The following HNF4A variants were observed in gnomAD, a reference collection of about 807,000 sequenced individuals.
The protein encoded by HNF4A is hepatocyte nuclear factor 4-alpha.
HNF4A carries 15 observed loss-of-function variants against 52.4 expected under a neutral mutation model. The ratio of observed to expected loss-of-function variants is 0.29; its 90% CI spans 0.19 to 0.44. HNF4A has a LOEUF of 0.44. Among genes scored for constraint, HNF4A ranks in the 20% least tolerant of loss-of-function variants. The pLI is 1.00. For missense variants in HNF4A, 479 were observed against 647.2 expected (o/e 0.74, Z 2.82); for synonymous variants, 280 against 264.4 (o/e 1.06, Z -0.57).
rs535994220 is a variant in HNF4A at position 44,414,491 on chromosome 20, C to T, written c.493-16C>T. On this transcript the variant is annotated splice_polypyrimidine_tract_variant and intron_variant, in intron 4 of 9. Transcript: ENST00000316099. ...CCCGGACATCTCCAGCATTTTCTTC[C>T]CTGTATCTCTCGAAGATCACCTCCC... is the stretch of plus-strand genomic sequence containing the variant. 15 of 1,614,232 alleles carry T rather than the reference C, an allele frequency of 9.3e-6. No individual in the cohort carries two copies. In the African/African-American group the frequency reaches 1.9e-4, roughly 20 times the overall value.
At chr20:44,357,321 C>T (rs528172938) in intron 1 of HNF4A, among the ~76,000 whole-genome samples, 1 of 152,032 alleles carries the variant, frequency 6.6e-6, no homozygotes, top group East Asian at 1.9e-4. Flanking sequence ...TCCCAGAGAG[C>T]GGGGAGATTA....
chr20:44,419,418 T>G (rs2063712697), intron 6 of HNF4A, among the ~76,000 whole-genome samples: 1 of 152,236 alleles, frequency 6.6e-6, no homozygotes. Flanking sequence ...TTAACCTTGA[T>G]GCTTTGGTGC....
upstream of HNF4A, among the ~76,000 whole-genome samples, chr20:44,397,480 G>T (rs935476447): frequency 5.3e-5 from 8 of 152,148 alleles, no homozygotes; most frequent in Non-Finnish European, 1.2e-4. Flanking sequence ...GTACATTTCA[G>T]ATCTTCTCTT....
downstream of HNF4A, chr20:44,433,707 T>C (rs1237811298): frequency 6.6e-6 from 1 of 152,104 alleles, no homozygotes. Flanking sequence ...GTAAAAAGAA[T>C]AAAAGCAAGA....
intron 5 of HNF4A, among the ~76,000 whole-genome samples, chr20:44,415,179 T>C (rs1450685221): frequency 6.6e-6 from 1 of 152,160 alleles, no homozygotes; most frequent in Non-Finnish European, 1.5e-5. Context: ...GTGGAAATGA[T>C]AATATCCACT....
intron 1 of HNF4A, among the ~76,000 whole-genome samples, chr20:44,357,331 A>G (rs1349388505): frequency 6.6e-6 from 1 of 152,134 alleles, no homozygotes; most frequent in African/African-American, 2.4e-5. Flanking sequence ...CGGGGAGATT[A>G]GAGGAGATAG....
At chr20:44,427,748 G>A (rs962332141) in intron 8 of HNF4A, among the ~76,000 whole-genome samples, 5 of 152,226 alleles carry the variant, frequency 3.3e-5, no homozygotes, top group Admixed American at 3.3e-4. Context: ...AGAAATCCAA[G>A]GAAGGAGAAT....
chr20:44,396,338 C>T (rs531445187), upstream of HNF4A, among the ~76,000 whole-genome samples: 3 of 152,280 alleles, frequency 2.0e-5, no homozygotes, highest in East Asian at 3.9e-4. Context: ...AAACATTAGA[C>T]CTTATTATAA....
intron 8 of HNF4A, among the ~76,000 whole-genome samples, chr20:44,426,124 G>A (rs961017595): frequency 3.3e-5 from 5 of 152,192 alleles, no homozygotes; most frequent in South Asian, 2.1e-4. Context: ...CTGGCCAGAG[G>A]GGTAGGAGAA....
rs115726499 is a variant in HNF4A at position 44,355,908 on chromosome 20, G to A, written c.49+55G>A. 2.7e-4 allele frequency: 399 copies of A among 1,484,226 alleles called. 2 individuals carry two copies. In the African/African-American group the frequency reaches 4.6e-3, roughly 17 times the overall value. The allele number at this position is 1,484,226 out of a possible 1,614,324, so 91.9% of individuals were successfully genotyped here. On this transcript the variant is annotated intron_variant, in intron 1 of 9. Transcript: ENST00000316673. The stretch of plus-strand genomic sequence containing the variant: ...GGCGGGACTGCGGTCAGCTTTGGGA[G>A]GCCATGGGACACCTCCCCGTGTGTT...
intron 1 of HNF4A, among the ~76,000 whole-genome samples, chr20:44,356,496 G>C (rs969067571): frequency 1.3e-5 from 2 of 152,186 alleles, no homozygotes; most frequent in African/African-American, 4.8e-5. Flanking sequence ...GCAGAGGGAA[G>C]ACGGGTAAAT....
intron 9 of HNF4A, among the ~76,000 whole-genome samples, chr20:44,429,185 C>T (rs796765166): frequency 4.6e-5 from 7 of 152,186 alleles, no homozygotes; most frequent in African/African-American, 1.7e-4. Flanking sequence ...AAAGACTATC[C>T]CTGTCACCCA....
chr20:44,404,529 T>A (rs1482385210), intron 1 of HNF4A, among the ~76,000 whole-genome samples: 1 of 151,752 alleles, frequency 6.6e-6, no homozygotes, highest in Non-Finnish European at 1.5e-5. Context: ...CATGTGTGTG[T>A]GGACTGTGTG....
intron 1 of HNF4A, among the ~76,000 whole-genome samples, chr20:44,386,366 C>T (rs926220130): frequency 4.0e-5 from 6 of 151,868 alleles, no homozygotes; most frequent in South Asian, 2.1e-4. Flanking sequence ...GAGGTCTCAC[C>T]ATGTTTGGCA....
At chr20:44,363,527 C>T (rs1401659078) in intron 1 of HNF4A, among the ~76,000 whole-genome samples, 1 of 151,716 alleles carries the variant, frequency 6.6e-6, no homozygotes, top group Admixed American at 6.6e-5. Context: ...CTTGGGGGTG[C>T]TGGTTCATAG....
chr20:44,384,396 T>G (rs1250535642), intron 1 of HNF4A: 1 of 152,194 alleles, frequency 6.6e-6, no homozygotes, highest in Non-Finnish European at 1.5e-5. Flanking sequence ...GAAAAAATCA[T>G]AATGGTCATT....
At chr20:44,428,628 G>T in intron 9 of HNF4A, 141 bp downstream of exon 9, 1 of 826,660 alleles carries the variant, frequency 1.2e-6, no homozygotes, top group Non-Finnish European at 2.0e-6. Flanking sequence ...GGGCAAGATT[G>T]TCCATTTGTT....
chr20:44,362,817 T>G (rs904222077), intron 1 of HNF4A, among the ~76,000 whole-genome samples: 2 of 151,924 alleles, frequency 1.3e-5, no homozygotes. Context: ...ACTAGCTGTG[T>G]GACCTTGAGT....
chr20:44,419,958 T>C, intron 7 of HNF4A, 82 bp downstream of exon 7: 1 of 1,368,654 alleles, frequency 7.3e-7, no homozygotes, highest in Non-Finnish European at 1.0e-6. Context: ...TTCTGTACAC[T>C]GAGTTCACAG....
Sources: gnomAD v4.1 joint callset for allele counts (sites outside exome capture counted in the v4.1 genomes callset) on GRCh38, gnomAD v4.1.1 for gene constraint, MANE v1.5 for transcripts, NCBI Gene and HGNC (gene_info 2026-07-23, HGNC 2026-07-21) for gene names.